Variants in LYVE1 observed in about 807,000 individuals in gnomAD.
The protein encoded by LYVE1 is lymphatic vessel endothelial hyaluronan receptor 1, also known as lymphatic vessel endothelial hyaluronic acid receptor 1.
In LYVE1, 29 loss-of-function variants were observed where a neutral mutation model predicts 31.5. The observed-to-expected ratio is 0.92, with a 90% CI of 0.69 to 1.26. LYVE1 has a LOEUF of 1.26. Ranked by LOEUF, LYVE1 falls within the 50% of genes most tolerant of loss-of-function variation. The pLI, the probability that LYVE1 is intolerant of heterozygous loss-of-function variation, is 0.00. For missense variants in LYVE1, 376 were observed against 380.2 expected (o/e 0.99, Z 0.09); for synonymous variants, 134 against 139.4 (o/e 0.96, Z 0.27).
At chr11:10,563,234 C>T (rs1245283197) in intron 3 of LYVE1, among the ~76,000 whole-genome samples, 1 of 152,046 alleles carries the variant, frequency 6.6e-6, no homozygotes, top group Non-Finnish European at 1.5e-5. Flanking sequence ...CAGGCATGAG[C>T]CACTGTGCCC....
Position 10,559,224 on chromosome 11 carries a change from C to G in LYVE1, c.856G>C (p.Glu286Gln). The G allele has an allele frequency of 6.2e-7, 1 of 1,614,086 alleles. No homozygotes were observed. ...TTAGGGTTGCTATCATTGGCCTTCT[C>G]CTCCTTTACTACTTTGGTTTCGATC... ...EMIETKVVKE[E>Q]KANDSNPNEE... Residue 286 changes from glutamate to glutamine, a missense_variant, in exon 6 of 6, where the codon GAG becomes CAG. Transcript: ENST00000256178.
At chr11:10,563,319 T>G (rs1210155416) in intron 3 of LYVE1, among the ~76,000 whole-genome samples, 1 of 152,150 alleles carries the variant, frequency 6.6e-6, no homozygotes, top group African/African-American at 2.4e-5. Flanking sequence ...AGATTCCATA[T>G]AGGTGGAAGC....
Position 10,560,634 on chromosome 11 carries a change from T to G in LYVE1, c.564A>C (p.Pro188=). Residue 188 remains proline (P), a synonymous_variant, in exon 4 of 6, where the codon CCA becomes CCC. Coordinates refer to ENST00000256178, the MANE Select transcript of LYVE1 (RefSeq NM_006691.4). ...TTCTCCGTGGAATAGAAGTGGAAGC[T>G]GGAGCAGGAGGAGTAGTAGTAGGGG... ...IPAPTTTPPA[P]ASTSIPRRKK... The G allele has an allele frequency of 6.2e-7, 1 of 1,614,154 alleles. No homozygotes were observed. Among genetic ancestry groups the G allele is most frequent in the Non-Finnish European group, 8.5e-7 (1 of 1,180,016 alleles).
intron 1 of LYVE1, 120 bp downstream of exon 1, chr11:10,568,328 C>T: frequency 1.2e-6 from 1 of 867,534 alleles, no homozygotes. Flanking sequence ...AGCAGTACCA[C>T]CAATTAGACC....
In LYVE1 at chr11:10,563,644, A is replaced by T. The variant is rs149640133; in HGVS notation, c.397+296T>A. 3.4e-4 allele frequency among the ~76,000 whole-genome samples: 51 copies of T among 152,208 alleles called. No individual in the cohort carries two copies. In the East Asian group the frequency reaches 7.5e-3, roughly 22 times the overall value. On this transcript the variant is annotated intron_variant, in intron 3 of 5. Coordinates refer to ENST00000256178, the MANE Select transcript of LYVE1 (RefSeq NM_006691.4). Reference sequence around the variant, plus strand: ...TAATGGATGCATTACATACATCTGTACCTTTGTTCCTTCCCTTCTGCCTGC... The same window carrying T: ...TAATGGATGCATTACATACATCTGTTCCTTTGTTCCTTCCCTTCTGCCTGC...
In LYVE1 at chr11:10,564,230, G is replaced by C. The variant is rs765958895; in HGVS notation, c.230C>G (p.Ala77Gly). ...GCAAGTTTCAAAGCTAGCTTTCAAG[G>C]CTGTTTCAACTTGGTCCTTGCCGGC... The part of the protein sequence containing the change: ...SLAGKDQVET[A>G]LKASFETCSY... The change falls in exon 2 of 6, where the codon GCC becomes GGC. Residue 77 changes from alanine (A) to glycine (G), a missense_variant. By Grantham distance (60) the Ala-to-Gly change is moderately conservative. Coordinates refer to ENST00000256178, the MANE Select transcript of LYVE1 (RefSeq NM_006691.4). 3.1e-6 allele frequency: 5 copies of C among 1,613,958 alleles called. No individual in the cohort carries two copies. The highest frequency in any genetic ancestry group is 4.2e-6 in the Non-Finnish European group (5 of 1,179,924).
rs137893866 is a variant in LYVE1, at chr11:10,563,695, G to A, written c.397+245C>T. 8.0e-3 allele frequency among the ~76,000 whole-genome samples: 1,225 copies of A among 152,288 alleles called. 18 individuals carry two copies. The highest frequency in any genetic ancestry group is 0.028 in the African/African-American group (1,173 of 41,568). On this transcript the variant is annotated intron_variant, in intron 3 of 5. Coordinates refer to ENST00000256178, the MANE Select transcript of LYVE1 (RefSeq NM_006691.4). ...TTATCTTATAGGATGCAGGGATGGT[G>A]GCAGTGGTAATTGAGCCTCCTGAAT...
chr11:10,568,520 A>C lies in LYVE1; in HGVS notation c.13T>G (p.Phe5Val). The C allele has an allele frequency of 6.2e-7, 1 of 1,613,936 alleles. No homozygotes were observed. The highest frequency in any genetic ancestry group is 8.5e-7 in the Non-Finnish European group (1 of 1,179,928). ...GAAGTGAGAAGCAACACCAGGCTGA[A>C]GCACCTGGCCATCGTGCCTACCCCT... Reference protein sequence around the residue: MARCFSLVLLLTSIW... With the variant: MARCVSLVLLLTSIW... The change falls in exon 1 of 6, where the codon TTC becomes GTC. Residue 5 changes from phenylalanine to valine, a missense_variant. Coordinates refer to ENST00000256178, the MANE Select transcript of LYVE1 (RefSeq NM_006691.4).
chr11:10,560,399 C>T (rs1205066805), intron 4 of LYVE1, 96 bp downstream of exon 4: 7 of 1,072,228 alleles, frequency 6.5e-6, no homozygotes, highest in African/African-American at 1.6e-5. Flanking sequence ...TTTGACAGGT[C>T]CTGAGCGCCT....
intron 5 of LYVE1, among the ~76,000 whole-genome samples, 183 bp from the exon 6 acceptor site, chr11:10,559,480 A>G (rs193090850): frequency 1.2e-3 from 181 of 152,340 alleles, no homozygotes; most frequent in Non-Finnish European, 2.3e-3. Context: ...AAATTGGACA[A>G]TATGTTTGCA....
At position 10,568,625 on chromosome 11, in the gene LYVE1, C is replaced by G; in HGVS notation, c.-93G>C. On this transcript the variant is annotated 5_prime_UTR_variant, in exon 1 of 6. Coordinates refer to ENST00000256178, the MANE Select transcript of LYVE1 (RefSeq NM_006691.4). The stretch of plus-strand genomic sequence containing the variant: ...CAATAACTAGTCCGGATGGAGAGTT[C>G]TGGAACTATGTTGAGGCTCACACTC... 6.8e-7 allele frequency: 1 copy of G among 1,479,200 alleles called. No individual in the cohort carries two copies. The highest frequency in any genetic ancestry group is 2.3e-5 in the Admixed American group (1 of 43,658). 91.6% of individuals were successfully genotyped at this position (1,479,200 alleles called of 1,614,324 possible). A position where few individuals can be genotyped will look rare whatever the true frequency, so the allele number is the denominator to read the frequency against.
chr11:10,558,784 A>C lies in LYVE1; in HGVS notation c.*327T>G, dbSNP rs1246471221. On this transcript the variant is annotated 3_prime_UTR_variant, in exon 6 of 6. Transcript: ENST00000256178. ...CAGACAGCCAGGAGGCCTTTTTACC[A>C]CTGGATACTGATGAGATGTTTTAGG... The C allele has an allele frequency of 4.5e-6, 1 of 221,854 alleles. No individual in the cohort carries two copies. The highest frequency in any genetic ancestry group is 8.7e-6 in the Non-Finnish European group (1 of 114,320). The allele number at this position is 221,854 out of a possible 1,614,324, so 13.7% of individuals were successfully genotyped here. A position where few individuals can be genotyped will look rare whatever the true frequency, so the allele number is the denominator to read the frequency against.
At position 10,568,613 on chromosome 11, in the gene LYVE1, G is replaced by T; in HGVS notation, c.-81C>A. ...GAGGCAGATGCTCAATAACTAGTCC[G>T]GATGGAGAGTTCTGGAACTATGTTG... On this transcript the variant is annotated 5_prime_UTR_variant, in exon 1 of 6. Coordinates refer to ENST00000256178, the MANE Select transcript of LYVE1 (RefSeq NM_006691.4). 6.6e-7 allele frequency: 1 copy of T among 1,520,008 alleles called. No individual in the cohort carries two copies. The allele number at this position is 1,520,008 out of a possible 1,614,324, so 94.2% of individuals were successfully genotyped here.
At chr11:10,561,467 A>G (rs1850423206) in intron 3 of LYVE1, among the ~76,000 whole-genome samples, 1 of 152,204 alleles carries the variant, frequency 6.6e-6, no homozygotes, top group Non-Finnish European at 1.5e-5. Flanking sequence ...CAGGACAAAG[A>G]TATGCTAAGA....
chr11:10,561,707 C>T (rs921191314), intron 3 of LYVE1, among the ~76,000 whole-genome samples: 2 of 152,110 alleles, frequency 1.3e-5, no homozygotes, highest in African/African-American at 4.8e-5. Context: ...TTGAATAACT[C>T]GCCCAAAGTC....
intron 3 of LYVE1, among the ~76,000 whole-genome samples, chr11:10,562,602 T>A (rs1253691988): frequency 1.3e-5 from 2 of 152,226 alleles, no homozygotes; most frequent in Non-Finnish European, 2.9e-5. Flanking sequence ...GATGAGTATG[T>A]GTGAAAAGTA....
rs1850338137 is a variant in LYVE1 at position 10,557,481 on chromosome 11, A to G, written c.*1630T>C. 1 of 152,194 alleles carries G rather than the reference A, an allele frequency of 6.6e-6. No individual in the cohort carries two copies. Among genetic ancestry groups the G allele is most frequent in the South Asian group, 2.1e-4 (1 of 4,830 alleles). The allele number at this position is 152,194 out of a possible 1,614,324, so 9.4% of individuals were successfully genotyped here. On this transcript the variant is annotated 3_prime_UTR_variant, in exon 6 of 6. Transcript: ENST00000256178. Reference sequence around the variant, plus strand: ...GGCATCTGGGCCGAAGGAACCACGGAGCTGTGGGGTCACTGGTGAGGGGAA... The same window carrying G: ...GGCATCTGGGCCGAAGGAACCACGGGGCTGTGGGGTCACTGGTGAGGGGAA...
In LYVE1 at chr11:10,560,603, A is replaced by T. The variant is rs200474910; in HGVS notation, c.595T>A (p.Leu199Met). The T allele has an allele frequency of 1.2e-6, 2 of 1,614,104 alleles. No individual in the cohort carries two copies. Among genetic ancestry groups the T allele is most frequent in the East Asian group, 2.2e-5 (1 of 44,882 alleles). Reference sequence around the variant, plus strand: ...ATAAAAACTTCTGTGACACAAATCAATTTTTTTCTCCGTGGAATAGAAGTG... The same window carrying T: ...ATAAAAACTTCTGTGACACAAATCATTTTTTTTCTCCGTGGAATAGAAGTG... ...ASTSIPRRKK[L>M]ICVTEVFMET... Residue 199 changes from leucine (L) to methionine (M), a missense_variant, in exon 4 of 6, where the codon TTG becomes ATG. Physicochemically the swap from Leu to Met is conservative, Grantham distance 15 (BLOSUM62 2). Transcript: ENST00000256178.
In LYVE1 at chr11:10,564,329, A is replaced by G; in HGVS notation, c.131T>C (p.Val44Ala). Residue 44 changes from valine to alanine, a missense_variant, in exon 2 of 6, where the codon GTG becomes GCG. Physicochemically the swap from Val to Ala is moderately conservative, Grantham distance 64. Transcript: ENST00000256178. ...CAGCTGCTGGTTCGCCTTTTTGCTC[A>G]CAAGGGTGATCCCCATAATTCTGCA... ...VSCRIMGITL[V>A]SKKANQQLNF... 6.2e-7 allele frequency: 1 copy of G among 1,614,196 alleles called. No individual in the cohort carries two copies. Among genetic ancestry groups the G allele is most frequent in the Non-Finnish European group, 8.5e-7 (1 of 1,180,020 alleles).
Sources: allele counts gnomAD v4.1 joint callset (sites outside exome capture counted in the v4.1 genomes callset), GRCh38; gene constraint gnomAD v4.1.1; transcripts MANE v1.5; gene names NCBI Gene and HGNC (gene_info 2026-07-23, HGNC 2026-07-21).